RBM19: variants seen among roughly 807,000 people sequenced by gnomAD.
RBM19 encodes the protein RNA binding motif protein 19, also known as probable RNA-binding protein 19.
In RBM19, 94 loss-of-function variants were observed where a neutral mutation model predicts 116.8. The ratio of observed to expected loss-of-function variants is 0.80; its 90% CI spans 0.68 to 0.95. The LOEUF (loss-of-function observed/expected upper bound fraction) is 0.95, where lower values mean the gene tolerates loss of function less well. Among genes scored for constraint, RBM19 ranks in the 40% least tolerant of loss-of-function variants. The pLI is 0.00. For synonymous variants in RBM19, 475 were observed against 494.1 expected, an observed-to-expected ratio of 0.96 and a Z score of 0.51; for missense variants, 1,161 against 1,220.7, an observed-to-expected ratio of 0.95 and a Z score of 0.73.
At chr12:113,864,926 C>T (rs917959036) in intron 21 of RBM19, among the ~76,000 whole-genome samples, 3 of 152,042 alleles carry the variant, frequency 2.0e-5, no homozygotes, top group African/African-American at 7.2e-5. Flanking sequence ...TACTACTGTC[C>T]CCAGTTTCAT....
chr12:113,863,381 C>A (rs575633912), intron 21 of RBM19, among the ~76,000 whole-genome samples: 16 of 152,248 alleles, frequency 1.1e-4, no homozygotes, highest in Admixed American at 7.2e-4. Context: ...CTGACTGAAG[C>A]GACAGGCTCA....
chr12:113,824,600 C>T (rs372349772), intron 23 of RBM19, among the ~76,000 whole-genome samples: 103 of 152,164 alleles, frequency 6.8e-4, no homozygotes, highest in African/African-American at 2.2e-3. Context: ...TCCATTTATC[C>T]GCAGGCTGTG....
At chr12:113,851,576 T>C (rs763169841) in intron 22 of RBM19, among the ~76,000 whole-genome samples, 1 of 152,144 alleles carries the variant, frequency 6.6e-6, no homozygotes, top group Non-Finnish European at 1.5e-5. Context: ...TAAACTTCTC[T>C]GAGTTTTCAA....
At chr12:113,958,181 C>T (rs1292913431) in intron 5 of RBM19, 131 bp from the exon 6 acceptor site, 2 of 1,474,162 alleles carry the variant, frequency 1.4e-6, no homozygotes, top group Non-Finnish European at 1.8e-6. Flanking sequence ...GCCCCTGTGC[C>T]CAGCATCCCC....
intron 18 of RBM19, among the ~76,000 whole-genome samples, chr12:113,920,984 TAAGA>T (rs1313134707): frequency 6.6e-6 from 1 of 152,192 alleles, no homozygotes; most frequent in African/African-American, 2.4e-5. Flanking sequence ...GAGACTGACC[TAAGA>T]GAGATGACCA....
chr12:113,826,512 A>ATCCATGCTCTCATCCCCTCACATGAC, intron 23 of RBM19, among the ~76,000 whole-genome samples: 1 of 152,168 alleles, frequency 6.6e-6, no homozygotes, highest in East Asian at 1.9e-4. Context: ...CAGAGCCTTC[A>ATCCATGCTCTCATCCCCTCACATGAC]TCCATGCTCT....
At position 113,950,811 on chromosome 12, in the gene RBM19, C is replaced by T. The variant is rs145554414; in HGVS notation, c.1001-657G>A. ...CTTTAATCACAAGGCTGTTTAGATT[C>T]TTTCTGTGACTCCTCCATGCCCTCC... On this transcript the variant is annotated intron_variant, in intron 8 of 23. Coordinates refer to ENST00000261741, the MANE Select transcript of RBM19 (RefSeq NM_016196.4). Among the ~76,000 whole-genome samples the T allele has an allele frequency of 2.5e-4, 38 of 152,276 alleles. No homozygotes were observed. In the East Asian group the frequency reaches 7.3e-3, roughly 29 times the overall value.
At chr12:113,874,504 G>C (rs1879521521) in intron 21 of RBM19, among the ~76,000 whole-genome samples, 1 of 152,216 alleles carries the variant, frequency 6.6e-6, no homozygotes, top group Non-Finnish European at 1.5e-5. Flanking sequence ...GAGACCTCGA[G>C]GGGAGGTCTT....
At chr12:113,918,211 A>G (rs1882891983) in intron 20 of RBM19, among the ~76,000 whole-genome samples, 181 bp downstream of exon 20, 1 of 152,206 alleles carries the variant, frequency 6.6e-6, no homozygotes, top group African/African-American at 2.4e-5. Context: ...CACTGGGAAA[A>G]TCAGGGTCGG....
At chr12:113,959,161 A>G (rs1872251314) in intron 5 of RBM19, 51 bp downstream of exon 5, 5 of 1,562,282 alleles carry the variant, frequency 3.2e-6, no homozygotes, top group Non-Finnish European at 2.6e-6. Context: ...GGTTAGCCCA[A>G]TGGCAAGCAC....
intron 13 of RBM19, among the ~76,000 whole-genome samples, chr12:113,944,440 TACAAAGAAGG>T (rs1346062175): frequency 6.6e-6 from 1 of 151,980 alleles, no homozygotes; most frequent in African/African-American, 2.4e-5. Flanking sequence ...ATACAAAATA[TACAAAGAAGG>T]GGGCATTTTC....
intron 15 of RBM19, among the ~76,000 whole-genome samples, chr12:113,938,904 GC>G (rs1264840386): frequency 2.0e-5 from 3 of 151,490 alleles, no homozygotes; most frequent in Non-Finnish European, 4.4e-5. Context: ...TCAGACTGTG[GC>G]CTTCGGAACC....
intron 22 of RBM19, among the ~76,000 whole-genome samples, chr12:113,845,103 G>A (rs1362935317): frequency 6.6e-6 from 1 of 152,156 alleles, no homozygotes; most frequent in Non-Finnish European, 1.5e-5. Flanking sequence ...CCCCATTAGT[G>A]GGCTCGCCTC....
At chr12:113,834,258 TTGAATGAATGAA>T (rs368089143) in intron 23 of RBM19, among the ~76,000 whole-genome samples, 1 of 152,000 alleles carries the variant, frequency 6.6e-6, no homozygotes, top group Non-Finnish European at 1.5e-5. Context: ...TGAAGAACTG[TTGAATGAATGAA>T]TGAATGAATG....
Position 113,959,860 on chromosome 12 carries a change from C to A in RBM19, c.378+5G>T. 3 of 1,614,190 alleles carry A rather than the reference C, an allele frequency of 1.9e-6. No homozygotes were observed. The highest frequency in any genetic ancestry group is 2.5e-6 in the Non-Finnish European group (3 of 1,180,024). ...TCTCCTCCTTGGGCAACAGGACAGACTCACCTTCTCCAGTTGACCTGCCAC... is the reference window on the plus strand; with the variant it reads ...TCTCCTCCTTGGGCAACAGGACAGAATCACCTTCTCCAGTTGACCTGCCAC... On this transcript the variant is annotated splice_donor_5th_base_variant and intron_variant, in intron 4 of 23. Coordinates refer to ENST00000261741, the MANE Select transcript of RBM19 (RefSeq NM_016196.4).
chr12:113,882,711 C>T (rs1236914990), intron 21 of RBM19, among the ~76,000 whole-genome samples: 2 of 152,204 alleles, frequency 1.3e-5, no homozygotes, highest in Admixed American at 6.5e-5. Context: ...GTATCTTAAC[C>T]CTCTGGACTC....
In RBM19 at chr12:113,828,412, TC is replaced by T. The variant is rs1374996277; in HGVS notation, c.2786-5092del. 2.6e-5 allele frequency among the ~76,000 whole-genome samples: 4 copies of T among 152,062 alleles called. No individual in the cohort carries two copies. The East Asian group carries it at 7.7e-4, about 29-fold the overall frequency. ...GGCTTTTCTTCCTGTTCCTGGAGGC[TC>T]CTGAGTTGCTACTTCCCGAGACACA... On this transcript the variant is annotated intron_variant, in intron 23 of 23. Coordinates refer to ENST00000261741, the MANE Select transcript of RBM19 (RefSeq NM_016196.4).
At chr12:113,888,921 G>T (rs1880738331) in intron 21 of RBM19, among the ~76,000 whole-genome samples, 1 of 152,230 alleles carries the variant, frequency 6.6e-6, no homozygotes, top group Non-Finnish European at 1.5e-5. Context: ...CTTAACGGGT[G>T]GTACTGCCCC....
intron 7 of RBM19, among the ~76,000 whole-genome samples, chr12:113,954,868 T>G (rs1218615583): frequency 6.6e-6 from 1 of 152,124 alleles, no homozygotes; most frequent in Non-Finnish European, 1.5e-5. Flanking sequence ...CCCCACAACC[T>G]TTTCTTTAAC....
Sources: allele counts gnomAD v4.1 joint callset (sites outside exome capture counted in the v4.1 genomes callset), GRCh38; gene constraint gnomAD v4.1.1; transcripts MANE v1.5; gene names NCBI Gene and HGNC (gene_info 2026-07-23, HGNC 2026-07-21).